Variants in LNX1 observed in about 807,000 individuals in gnomAD.
LNX1 encodes the protein ligand of numb-protein X 1.
LNX1 carries 54 observed loss-of-function variants against 68.4 expected under a neutral mutation model. The ratio of observed to expected loss-of-function variants is 0.79; its 90% CI spans 0.63 to 0.99. The LOEUF (loss-of-function observed/expected upper bound fraction) is 0.99. Ranked by LOEUF, LNX1 falls within the 50% of genes least tolerant of loss-of-function variation. The pLI, the probability that LNX1 is intolerant of heterozygous loss-of-function variation, is 0.00. For missense variants in LNX1, 906 were observed against 926.4 expected (o/e 0.98, Z 0.29); for synonymous variants, 336 against 350.0 (o/e 0.96, Z 0.45).
intron 4 of LNX1, chr4:53,500,307 A>G (rs2109485273): frequency 6.6e-6 from 1 of 152,164 alleles, no homozygotes; most frequent in East Asian, 1.9e-4. Context: ...GGGGACACCA[A>G]CAAGTGATGG....
At chr4:53,502,481 G>A (rs1182129158) in intron 4 of LNX1, among the ~76,000 whole-genome samples, 6 of 152,162 alleles carry the variant, frequency 3.9e-5, no homozygotes, top group Non-Finnish European at 5.9e-5. Flanking sequence ...GCTGTTTAAC[G>A]ATCATCTGAG....
chr4:53,590,475 A>C (rs1353982536), intron 1 of LNX1, among the ~76,000 whole-genome samples: 1 of 150,784 alleles, frequency 6.6e-6, no homozygotes, highest in East Asian at 1.9e-4. Context: ...TTTCTCTGAC[A>C]ACAATATTGG....
At chr4:53,557,611 A>AC (rs1730006345) in intron 2 of LNX1, among the ~76,000 whole-genome samples, 2 of 151,448 alleles carry the variant, frequency 1.3e-5, no homozygotes, top group Admixed American at 1.3e-4. Flanking sequence ...GAAAAAGAGT[A>AC]CCCCAAAAAA....
chr4:53,630,683 C>T (rs1431953819), intron 1 of LNX1, among the ~76,000 whole-genome samples: 2 of 152,066 alleles, frequency 1.3e-5, no homozygotes, highest in Admixed American at 6.5e-5. Context: ...AGTGAACCAA[C>T]AACATATATT....
chr4:53,470,032 C>T (rs1327699329), intron 9 of LNX1, among the ~76,000 whole-genome samples: 1 of 151,988 alleles, frequency 6.6e-6, no homozygotes, highest in Non-Finnish European at 1.5e-5. Context: ...GGCAGAGACA[C>T]AACAAAAAAA....
chr4:53,557,732 A>G, intron 2 of LNX1: 3 of 923,114 alleles, frequency 3.2e-6, no homozygotes, highest in South Asian at 4.5e-5. Flanking sequence ...GCCGTTTTAA[A>G]CTGCTGGCAG....
In LNX1 at chr4:53,459,610, T is replaced by TTAAG. The variant is rs1409679398; in HGVS notation, c.*1293_*1296dup. The stretch of plus-strand genomic sequence containing the variant: ...AAAATAAAAGAGTGAATTTTTCATG[T>TTAAG]TAAGTTAAAAATCTTTGTCTTGTAC... On this transcript the variant is annotated 3_prime_UTR_variant, in exon 11 of 11. Coordinates refer to ENST00000263925, the MANE Select transcript of LNX1 (RefSeq NM_001126328.3). 20 of 999,482 alleles carry TTAAG rather than the reference T, an allele frequency of 2.0e-5. No individual in the cohort carries two copies. The highest frequency in any genetic ancestry group is 7.2e-5 in the Admixed American group (3 of 41,706). The allele number at this position is 999,482 out of a possible 1,614,324, so 61.9% of individuals were successfully genotyped here. A position where few individuals can be genotyped will look rare whatever the true frequency, so the allele number is the denominator to read the frequency against.
intron 2 of LNX1, chr4:53,558,176 G>C: frequency 7.4e-7 from 1 of 1,357,764 alleles, no homozygotes; most frequent in Non-Finnish European, 9.5e-7. Flanking sequence ...GAGGATGTAG[G>C]AACGCAAGGA....
intron 5 of LNX1, among the ~76,000 whole-genome samples, chr4:53,497,395 G>A (rs1175610908): frequency 1.3e-5 from 2 of 152,218 alleles, no homozygotes; most frequent in Non-Finnish European, 2.9e-5. Flanking sequence ...GAGAAGGCTT[G>A]GAATGGGCTT....
intron 2 of LNX1, among the ~76,000 whole-genome samples, chr4:53,614,140 C>T (rs921459588): frequency 6.6e-6 from 1 of 152,112 alleles, no homozygotes; most frequent in East Asian, 1.9e-4. Flanking sequence ...TGTTCATGTC[C>T]TTTGCTCACT....
intron 2 of LNX1, among the ~76,000 whole-genome samples, chr4:53,540,015 G>A (rs1435498833): frequency 2.0e-5 from 3 of 152,098 alleles, no homozygotes; most frequent in South Asian, 2.1e-4. Context: ...GTTTTTGCTC[G>A]GGCTACTAAT....
chr4:53,461,626 T>TTTAAG, intron 9 of LNX1, 33 bp from the exon 10 acceptor site: 1 of 1,543,586 alleles, frequency 6.5e-7, no homozygotes, highest in Non-Finnish European at 8.8e-7. Context: ...TACATGCATA[T>TTTAAG]TTAAGTTTCA....
At chr4:53,551,457 T>C (rs1272607157) in intron 2 of LNX1, among the ~76,000 whole-genome samples, 2 of 152,102 alleles carry the variant, frequency 1.3e-5, no homozygotes, top group Admixed American at 6.6e-5. Context: ...GACTCAAGCA[T>C]GCGCACTAAG....
chr4:53,573,495 A>C (rs149923767), intron 2 of LNX1, 128 bp downstream of exon 2: 1 of 632,414 alleles, frequency 1.6e-6, no homozygotes, highest in East Asian at 2.7e-5. Flanking sequence ...GACCATAAAC[A>C]CCTAGCTGTT....
chr4:53,631,970 T>G (rs974877576), intron 1 of LNX1, among the ~76,000 whole-genome samples: 3 of 150,782 alleles, frequency 2.0e-5, no homozygotes, highest in African/African-American at 4.9e-5. Flanking sequence ...GAAAGGAGAG[T>G]GGAGAAAGAG....
intron 1 of LNX1, among the ~76,000 whole-genome samples, chr4:53,637,563 C>G (rs746765287): frequency 6.6e-6 from 1 of 152,112 alleles, no homozygotes; most frequent in Admixed American, 6.5e-5. Flanking sequence ...ATTGCTCAAT[C>G]CCCACGACAC....
rs1560630518 is a variant in LNX1, at chr4:53,501,297, TTTGGG to T, written c.776-2459_776-2455del. Among the ~76,000 whole-genome samples the T allele has an allele frequency of 2.8e-4, 5 of 18,070 alleles. No individual in the cohort carries two copies. In the East Asian group the frequency reaches 6.0e-3, roughly 22 times the overall value. The allele number at this position is 18,070 out of a possible 152,430, so 11.9% of individuals were successfully genotyped here. A position where few individuals can be genotyped will look rare whatever the true frequency, so the allele number is the denominator to read the frequency against. ...GATAATAATCTTTTTTTTTTTTTTT[TTTGGG>T]GGTGGGGGGACAGGATCTCACTCTG... On this transcript the variant is annotated intron_variant, in intron 4 of 10. Transcript: ENST00000263925.
At chr4:53,618,233 T>C (rs1733749065), upstream of LNX1, among the ~76,000 whole-genome samples, 1 of 152,184 alleles carries the variant, frequency 6.6e-6, no homozygotes, top group East Asian at 1.9e-4. Context: ...TTCACTGATA[T>C]CTAGAAATAC....
At chr4:53,619,401 T>C (rs942635046), upstream of LNX1, among the ~76,000 whole-genome samples, 2 of 152,224 alleles carry the variant, frequency 1.3e-5, no homozygotes, top group Admixed American at 6.5e-5. Context: ...ATTTCTGTTT[T>C]GTGAATTTGC....
Sources: gnomAD v4.1 joint callset for allele counts (sites outside exome capture counted in the v4.1 genomes callset) on GRCh38, gnomAD v4.1.1 for gene constraint, MANE v1.5 for transcripts, NCBI Gene and HGNC (gene_info 2026-07-23, HGNC 2026-07-21) for gene names.